The following CYP2J2 variants were observed in gnomAD, a reference collection of about 807,000 sequenced individuals.
CYP2J2 encodes the protein cytochrome P450 family 2 subfamily J member 2, also known as cytochrome P450 2J2.
A neutral mutation model predicts 48.8 loss-of-function variants in CYP2J2; 41 were observed. That is an observed-to-expected ratio of 0.84 (90% CI 0.66 to 1.09). The LOEUF is 1.09. Among genes scored for constraint, CYP2J2 ranks in the 50% least tolerant of loss-of-function variants. CYP2J2 has a pLI of 0.00. For missense variants in CYP2J2, 644 were observed against 617.3 expected (o/e 1.04, Z -0.46); for synonymous variants, 221 against 227.1 (o/e 0.97, Z 0.24).
intron 1 of CYP2J2, among the ~76,000 whole-genome samples, chr1:59,921,193 A>G (rs1644509695): frequency 6.6e-6 from 1 of 152,230 alleles, no homozygotes; most frequent in Admixed American, 6.5e-5. Context: ...GAGTACATCA[A>G]TTGTCCTCTA....
chr1:59,965,656 G>GT, the CYP2J2 span, among the ~76,000 whole-genome samples: 2 of 152,134 alleles, frequency 1.3e-5, no homozygotes, highest in South Asian at 4.2e-4. Flanking sequence ...CCCAAATTCT[G>GT]TTTTTTTGTT....
At chr1:59,963,591 T>C in the CYP2J2 span, among the ~76,000 whole-genome samples, 2 of 152,358 alleles carry the variant, frequency 1.3e-5, no homozygotes, top group East Asian at 3.9e-4. Context: ...TATCTATTGA[T>C]GGACATTTGA....
chr1:59,945,434 CTATCTATCTCTCTA>C, the CYP2J2 span, among the ~76,000 whole-genome samples: 2 of 143,528 alleles, frequency 1.4e-5, no homozygotes, highest in African/African-American at 5.0e-5. Context: ...ATCTATCTAT[CTATCTATCTCTCTA>C]TCTATCTATG....
the CYP2J2 span, among the ~76,000 whole-genome samples, chr1:59,935,177 AT>A: frequency 3.3e-3 from 506 of 151,594 alleles, 1 homozygote; most frequent in African/African-American, 0.012. Context: ...ATACTGTATG[AT>A]TTCAATTTTA....
chr1:59,893,495 G>T lies in CYP2J2; in HGVS notation c.*156C>A. 1 of 539,302 alleles carries T rather than the reference G, an allele frequency of 1.9e-6. No individual in the cohort carries two copies. The allele number at this position is 539,302 out of a possible 1,614,324, so 33.4% of individuals were successfully genotyped here. A position where few individuals can be genotyped will look rare whatever the true frequency, so the allele number is the denominator to read the frequency against. ...AGGCTAATTCGGACGAGACAGTAGA[G>T]CTGGGATTTGGATCTAGTTTTCTCT... On this transcript the variant is annotated 3_prime_UTR_variant, in exon 9 of 9. Coordinates refer to ENST00000371204, the MANE Select transcript of CYP2J2 (RefSeq NM_000775.4).
the CYP2J2 span, among the ~76,000 whole-genome samples, chr1:59,946,882 T>G: frequency 6.6e-6 from 1 of 152,178 alleles, no homozygotes; most frequent in Admixed American, 6.5e-5. Context: ...ATAAATATAA[T>G]AATCTTTGAA....
chr1:59,903,861 T>G (rs532198259), intron 7 of CYP2J2, among the ~76,000 whole-genome samples: 1 of 152,318 alleles, frequency 6.6e-6, no homozygotes, highest in South Asian at 2.1e-4. Flanking sequence ...AGAGATCTCA[T>G]GCAAACCTAA....
intron 1 of CYP2J2, among the ~76,000 whole-genome samples, chr1:59,922,210 C>T (rs376862900): frequency 4.6e-5 from 7 of 152,140 alleles, no homozygotes; most frequent in South Asian, 4.1e-4. Flanking sequence ...CAAATAGTCT[C>T]GGGCTCAAAT....
intron 1 of CYP2J2, among the ~76,000 whole-genome samples, chr1:59,923,676 T>C (rs1229468116): frequency 1.3e-5 from 2 of 152,102 alleles, no homozygotes; most frequent in African/African-American, 4.8e-5. Context: ...TTCAGTAAAA[T>C]AGCTCAATAG....
At chr1:59,961,701 A>AAGAGT in the CYP2J2 span, among the ~76,000 whole-genome samples, 3 of 152,174 alleles carry the variant, frequency 2.0e-5, no homozygotes, top group African/African-American at 7.2e-5. Context: ...AGAGTAACCA[A>AAGAGT]AGAGTAGAAA....
the CYP2J2 span, among the ~76,000 whole-genome samples, chr1:59,942,885 C>G: frequency 7.2e-5 from 11 of 152,186 alleles, no homozygotes; most frequent in African/African-American, 2.4e-4. Flanking sequence ...ACTCACTTAA[C>G]TGCATAACCA....
At chr1:59,902,820 G>A (rs1259712295) in intron 7 of CYP2J2, among the ~76,000 whole-genome samples, 2 of 152,166 alleles carry the variant, frequency 1.3e-5, no homozygotes, top group Non-Finnish European at 1.5e-5. Flanking sequence ...AGGTTTAAAT[G>A]CATTTTTCAG....
At chr1:59,956,671 A>G in the CYP2J2 span, among the ~76,000 whole-genome samples, 1 of 152,208 alleles carries the variant, frequency 6.6e-6, no homozygotes, top group African/African-American at 2.4e-5. Context: ...TTCATGATCT[A>G]AATGACAGCT....
At chr1:59,963,884 AAAAT>A in the CYP2J2 span, among the ~76,000 whole-genome samples, 1 of 152,250 alleles carries the variant, frequency 6.6e-6, no homozygotes, top group Admixed American at 6.5e-5. Flanking sequence ...GTTCACATGA[AAAAT>A]AAAATTATCT....
At chr1:59,912,493 T>A in intron 2 of CYP2J2, 182 bp from the exon 3 acceptor site, 1 of 600,418 alleles carries the variant, frequency 1.7e-6, no homozygotes, top group South Asian at 2.4e-5. Flanking sequence ...TTGCTTGCAA[T>A]GGCAGGCACT....
At chr1:59,916,543 G>A (rs1644467816) in intron 1 of CYP2J2, among the ~76,000 whole-genome samples, 1 of 152,124 alleles carries the variant, frequency 6.6e-6, no homozygotes, top group African/African-American at 2.4e-5. Context: ...AGACCAGTCT[G>A]GGCAACATAG....
chr1:59,908,992 C>T (rs1644387992), intron 5 of CYP2J2, among the ~76,000 whole-genome samples: 1 of 152,126 alleles, frequency 6.6e-6, no homozygotes, highest in Admixed American at 6.5e-5. Flanking sequence ...TGGGTCTAGG[C>T]CCAACTAATG....
chr1:59,931,970 T>C, the CYP2J2 span, among the ~76,000 whole-genome samples: 1 of 152,184 alleles, frequency 6.6e-6, no homozygotes, highest in Admixed American at 6.5e-5. Context: ...CTAGAAGCCA[T>C]AAATGTTTTT....
chr1:59,943,012 G>C, the CYP2J2 span, among the ~76,000 whole-genome samples: 2 of 152,070 alleles, frequency 1.3e-5, no homozygotes, highest in African/African-American at 4.8e-5. Flanking sequence ...TTGGGTGGTG[G>C]TGCTATTTGT....
Sources: gnomAD v4.1 joint callset for allele counts (sites outside exome capture counted in the v4.1 genomes callset) on GRCh38, gnomAD v4.1.1 for gene constraint, MANE v1.5 for transcripts, NCBI Gene and HGNC (gene_info 2026-07-23, HGNC 2026-07-21) for gene names.